Variants in TNS1 observed in about 807,000 individuals in gnomAD.
TNS1 encodes tensin-1.
In TNS1, 62 loss-of-function variants were observed where a neutral mutation model predicts 168.6. The ratio of observed to expected loss-of-function variants is 0.37; its 90% CI spans 0.30 to 0.45. TNS1 has a LOEUF of 0.45. Among genes scored for constraint, TNS1 ranks in the 20% least tolerant of loss-of-function variants. The pLI is 1.00. For missense variants in TNS1, 2,240 were observed against 2,339.4 expected (o/e 0.96, Z 0.88); for synonymous variants, 934 against 933.2 (o/e 1.00, Z -0.02).
intron 18 of TNS1, among the ~76,000 whole-genome samples, chr2:217,874,053 C>G (rs1291921947): frequency 7.3e-6 from 1 of 137,496 alleles, no homozygotes; most frequent in Non-Finnish European, 1.6e-5. Context: ...CACACACACA[C>G]AGCTAGCAGC....
At chr2:217,830,733 G>A (rs746549281) in intron 22 of TNS1, among the ~76,000 whole-genome samples, 2 of 152,246 alleles carry the variant, frequency 1.3e-5, no homozygotes, top group South Asian at 2.1e-4. Context: ...AGCAGAGTAA[G>A]ATGCAGCCAG....
At chr2:217,866,963 T>C (rs1252416963) in intron 18 of TNS1, among the ~76,000 whole-genome samples, 3 of 152,162 alleles carry the variant, frequency 2.0e-5, no homozygotes, top group African/African-American at 7.2e-5. Context: ...TTGTCAGAAA[T>C]GGTGAGAAAT....
chr2:217,972,571 G>A (rs900948174), intron 3 of TNS1, among the ~76,000 whole-genome samples: 6 of 152,194 alleles, frequency 3.9e-5, no homozygotes, highest in Non-Finnish European at 7.3e-5. Flanking sequence ...TCCTCCCTCC[G>A]CCTCAGTTGG....
chr2:217,998,221 G>GTCTCTC (rs60663810), intron 1 of TNS1, among the ~76,000 whole-genome samples: 11,757 of 149,500 alleles, frequency 0.079, 473 homozygotes, highest in Non-Finnish European at 0.083. Flanking sequence ...CTCCATCAGT[G>GTCTCTC]TCTCTCTCTC....
chr2:217,886,157 G>T, intron 13 of TNS1, 53 bp from the exon 14 acceptor site: 1 of 1,587,674 alleles, frequency 6.3e-7, no homozygotes, highest in South Asian at 1.1e-5. Flanking sequence ...GCAGGCAGGA[G>T]GGGCAGAGGA....
chr2:217,841,236 G>A, intron 19 of TNS1: 2 of 985,126 alleles, frequency 2.0e-6, no homozygotes, highest in Non-Finnish European at 1.2e-6. Flanking sequence ...GGAGAGGAGG[G>A]GGCGGGAAGC....
chr2:218,000,456 G>A lies in TNS1; in HGVS notation c.33+2384C>T, dbSNP rs551454067. ...AGATCCTCCCCCAGCATCAGGTCTG[G>A]GATACAGAGGATCCCAAGAACCAGG... On this transcript the variant is annotated intron_variant, in intron 1 of 32. Transcript: ENST00000682258. Among the ~76,000 whole-genome samples the A allele has an allele frequency of 1.4e-3, 211 of 152,330 alleles. 7 individuals are homozygous for A. Among genetic ancestry groups the A allele is most frequent in the Non-Finnish European group, 1.1e-3 (72 of 68,030 alleles).
intron 1 of TNS1, among the ~76,000 whole-genome samples, chr2:218,024,182 TC>T (rs1399033399): frequency 2.6e-5 from 4 of 152,030 alleles, no homozygotes; most frequent in Admixed American, 1.3e-4. Context: ...GGACTCCGAG[TC>T]CCCATTCCCT....
chr2:217,913,923 C>G (rs544074531), intron 4 of TNS1, among the ~76,000 whole-genome samples: 4 of 152,218 alleles, frequency 2.6e-5, no homozygotes, highest in Non-Finnish European at 5.9e-5. Flanking sequence ...CCTGGTGATA[C>G]AAGATTGCCT....
rs199950721 is a variant in TNS1, at chr2:217,936,310, CT to C, written c.187-16075del. 3.6e-3 allele frequency among the ~76,000 whole-genome samples: 545 copies of C among 152,330 alleles called. 5 individuals carry two copies. Among genetic ancestry groups the C allele is most frequent in the East Asian group, 0.024 (122 of 5,190 alleles). On this transcript the variant is annotated intron_variant, in intron 3 of 32. Transcript: ENST00000682258. ...CTTAAAAATATAAGCTGCCTACAGT[CT>C]ACCCTCACTCCTGCCTGCTGCAGTT...
intron 18 of TNS1, among the ~76,000 whole-genome samples, chr2:217,852,332 C>T (rs56108147): frequency 6.6e-6 from 1 of 152,082 alleles, no homozygotes; most frequent in African/African-American, 2.4e-5. Context: ...CCCTCCTGAG[C>T]CAGGGCACCC....
At chr2:217,868,019 C>T (rs964355007) in intron 18 of TNS1, among the ~76,000 whole-genome samples, 1 of 152,216 alleles carries the variant, frequency 6.6e-6, no homozygotes, top group East Asian at 1.9e-4. Flanking sequence ...ATGGAACCGC[C>T]GCATGGCAGG....
chr2:217,990,855 A>C (rs1958348652), intron 2 of TNS1, 87 bp downstream of exon 2: 1 of 446,656 alleles, frequency 2.2e-6, no homozygotes, highest in Non-Finnish European at 4.1e-6. Flanking sequence ...GGATGTGTGC[A>C]CAGCAGAGTC....
intron 1 of TNS1, among the ~76,000 whole-genome samples, chr2:218,028,755 G>T (rs1047060899): frequency 7.9e-5 from 12 of 152,198 alleles, no homozygotes; most frequent in Non-Finnish European, 1.8e-4. Flanking sequence ...CTGGCCAAAA[G>T]CACCAGGCTG....
chr2:217,890,782 G>A (rs1951665957), intron 12 of TNS1, 180 bp downstream of exon 12: 3 of 636,434 alleles, frequency 4.7e-6, no homozygotes, highest in Admixed American at 2.6e-5. Flanking sequence ...ACCACAGGCT[G>A]GCTCCCGGGC....
intron 4 of TNS1, among the ~76,000 whole-genome samples, chr2:217,911,557 C>T (rs1484144858): frequency 2.0e-5 from 3 of 152,196 alleles, no homozygotes; most frequent in Non-Finnish European, 2.9e-5. Context: ...TACAACTATT[C>T]ATTTAGGGAT....
In TNS1 at chr2:217,897,990, G is replaced by A. The variant is rs1559594; in HGVS notation, c.372-21C>T. On this transcript the variant is annotated intron_variant, in intron 7 of 32. Transcript: ENST00000682258. ...TGTTTCTAGGGAGACAGCAGGCAGCGGAGGGTCCATATCAGAATCCAGCCC... is the reference window on the plus strand; with the variant it reads ...TGTTTCTAGGGAGACAGCAGGCAGCAGAGGGTCCATATCAGAATCCAGCCC... 0.016 allele frequency: 25,204 copies of A among 1,589,724 alleles called. 1,648 individuals are homozygous for A. The African/African-American group carries it at 0.2, about 12-fold the overall frequency.
intron 23 of TNS1, among the ~76,000 whole-genome samples, chr2:217,820,308 G>A (rs1942625963): frequency 6.6e-6 from 1 of 152,178 alleles, no homozygotes; most frequent in South Asian, 2.1e-4. Context: ...GGGTGGCTGG[G>A]ACAACTTAGG....
chr2:217,992,811 C>T (rs181659052), intron 1 of TNS1, among the ~76,000 whole-genome samples: 1 of 152,030 alleles, frequency 6.6e-6, no homozygotes, highest in African/African-American at 2.4e-5. Context: ...ACAAGGGGGT[C>T]AGAGAATGAA....
Sources: allele counts gnomAD v4.1 joint callset (sites outside exome capture counted in the v4.1 genomes callset), GRCh38; gene constraint gnomAD v4.1.1; transcripts MANE v1.5; gene names NCBI Gene and HGNC (gene_info 2026-07-23, HGNC 2026-07-21).